The following SLC30A8 variants were observed in gnomAD, a reference collection of about 807,000 sequenced individuals.
The protein encoded by SLC30A8 is proton-coupled zinc antiporter SLC30A8.
In SLC30A8, 27 loss-of-function variants were observed where a neutral mutation model predicts 36.9. That is an observed-to-expected ratio of 0.73 (90% CI 0.54 to 1.01). The LOEUF (loss-of-function observed/expected upper bound fraction) is 1.01. Among genes scored for constraint, SLC30A8 ranks in the 50% least tolerant of loss-of-function variants. The probability of loss-of-function intolerance (pLI) is 0.00; values close to 1 mark genes in which losing one functional copy is unlikely to be tolerated. For missense variants in SLC30A8, 439 were observed against 452.0 expected (o/e 0.97, Z 0.26); for synonymous variants, 164 against 172.4 (o/e 0.95, Z 0.38).
chr8:117,022,431 A>G (rs1235410870), intron 1 of SLC30A8, among the ~76,000 whole-genome samples: 1 of 152,212 alleles, frequency 6.6e-6, no homozygotes, highest in Non-Finnish European at 1.5e-5. Context: ...GAGGTCTGGT[A>G]TGAATGACCT....
At chr8:117,004,418 A>C (rs1015541770) in intron 1 of SLC30A8, among the ~76,000 whole-genome samples, 1 of 152,240 alleles carries the variant, frequency 6.6e-6, no homozygotes, top group Non-Finnish European at 1.5e-5. Flanking sequence ...TAAGCTGAGC[A>C]TATAGATGCT....
intron 2 of SLC30A8, among the ~76,000 whole-genome samples, chr8:117,100,539 A>G (rs996098249): frequency 2.0e-5 from 3 of 152,180 alleles, no homozygotes; most frequent in African/African-American, 7.2e-5. Context: ...TAGAGCAGGC[A>G]ATGGAGTACT....
At chr8:117,020,126 G>T (rs1202614774) in intron 1 of SLC30A8, among the ~76,000 whole-genome samples, 3 of 152,182 alleles carry the variant, frequency 2.0e-5, no homozygotes, top group Non-Finnish European at 4.4e-5. Flanking sequence ...TTTGCAGCCA[G>T]TTGTTGCAAC....
chr8:116,990,143 A>G (rs1159915046), intron 1 of SLC30A8, among the ~76,000 whole-genome samples: 2 of 152,178 alleles, frequency 1.3e-5, no homozygotes, highest in Admixed American at 6.5e-5. Context: ...AACATGCTAT[A>G]TACTGGTTTA....
chr8:116,978,394 C>T (rs1193536275), intron 1 of SLC30A8, among the ~76,000 whole-genome samples: 1 of 149,460 alleles, frequency 6.7e-6, no homozygotes, highest in African/African-American at 2.6e-5. Context: ...AATGAAGAAA[C>T]ACATAAAACC....
intron 1 of SLC30A8, among the ~76,000 whole-genome samples, chr8:117,013,249 ATT>A (rs906850283): frequency 4.6e-5 from 7 of 152,300 alleles, no homozygotes; most frequent in Non-Finnish European, 8.8e-5. Flanking sequence ...TTTCTTTGCC[ATT>A]TTAGCATTCA....
Position 117,105,170 on chromosome 8 carries a change from G to A in SLC30A8, c.-225-30110G>A, listed in dbSNP as rs188634141. On this transcript the variant is annotated intron_variant, in intron 2 of 10. Coordinates refer to the SLC30A8 transcript ENST00000427715. ...ATGTCTAACCTCCTGGGAATGCAGC[G>A]CAGTAGGTCTCAGCCTCATTTTACC... is the stretch of plus-strand genomic sequence containing the variant. Among the ~76,000 whole-genome samples, 17 of 152,120 alleles carry A rather than the reference G, an allele frequency of 1.1e-4. No individual in the cohort carries two copies. The Middle Eastern group carries it at 0.014, about 122-fold the overall frequency.
intron 1 of SLC30A8, among the ~76,000 whole-genome samples, chr8:116,968,504 G>A (rs976346540): frequency 2.0e-5 from 3 of 151,712 alleles, no homozygotes; most frequent in African/African-American, 4.8e-5. Flanking sequence ...AGAATTTGAG[G>A]AAACTGATGC....
chr8:117,102,724 T>C (rs1819781128), intron 2 of SLC30A8, among the ~76,000 whole-genome samples: 1 of 152,196 alleles, frequency 6.6e-6, no homozygotes, highest in Admixed American at 6.5e-5. Flanking sequence ...CATGGCCTTC[T>C]TCTATGGGTG....
intron 2 of SLC30A8, among the ~76,000 whole-genome samples, chr8:117,110,076 AAGAT>A (rs950049353): frequency 7.9e-5 from 12 of 152,186 alleles, no homozygotes; most frequent in Non-Finnish European, 7.4e-5. Context: ...TACGCCTTGT[AAGAT>A]AGATACACCT....
chr8:117,016,039 G>A (rs545601677), intron 1 of SLC30A8, among the ~76,000 whole-genome samples: 1 of 152,150 alleles, frequency 6.6e-6, no homozygotes, highest in Non-Finnish European at 1.5e-5. Flanking sequence ...GCAAACGTTG[G>A]TAAGAGAGAA....
upstream of SLC30A8, among the ~76,000 whole-genome samples, chr8:117,133,451 G>A (rs1821219706): frequency 6.6e-6 from 1 of 151,936 alleles, no homozygotes; most frequent in African/African-American, 2.4e-5. Flanking sequence ...ATTTGTACTA[G>A]AGGCAAAGTT....
rs1035027047 is a variant in SLC30A8, at chr8:117,046,273, C to A, written c.-226+7015C>A. 2.7e-5 allele frequency among the ~76,000 whole-genome samples: 4 copies of A among 150,936 alleles called. No homozygotes were observed. The East Asian group carries it at 7.7e-4, about 29-fold the overall frequency. On this transcript the variant is annotated intron_variant, in intron 2 of 10. Coordinates refer to the SLC30A8 transcript ENST00000427715. The stretch of plus-strand genomic sequence containing the variant: ...TGCTGCTCAGAATTAGAGGGGTGGA[C>A]CCCCCCACCGCCACAGACAATTTGA...
chr8:117,038,062 C>G (rs1817271431), intron 1 of SLC30A8, among the ~76,000 whole-genome samples: 1 of 152,186 alleles, frequency 6.6e-6, no homozygotes, highest in Non-Finnish European at 1.5e-5. Flanking sequence ...AAGAACTAGA[C>G]TGCCATCCTG....
chr8:116,971,602 T>C (rs911560035), intron 1 of SLC30A8, among the ~76,000 whole-genome samples: 2 of 151,698 alleles, frequency 1.3e-5, no homozygotes, highest in Non-Finnish European at 2.9e-5. Flanking sequence ...TTTTTTTTTT[T>C]CCAGAATCTT....
At chr8:116,966,937 CTCTGAT>C (rs1206296984) in intron 1 of SLC30A8, among the ~76,000 whole-genome samples, 16 of 152,320 alleles carry the variant, frequency 1.1e-4, no homozygotes, top group African/African-American at 3.4e-4. Context: ...AAAAATCATT[CTCTGAT>C]TCTTTCACCA....
chr8:116,976,719 G>T (rs1815024726), intron 1 of SLC30A8, among the ~76,000 whole-genome samples: 1 of 152,068 alleles, frequency 6.6e-6, no homozygotes, highest in Admixed American at 6.5e-5. Flanking sequence ...CTCTGCTGGG[G>T]TAGGGGGGTC....
chr8:117,074,774 A>G (rs547347024), intron 2 of SLC30A8, among the ~76,000 whole-genome samples: 15 of 152,310 alleles, frequency 9.8e-5, no homozygotes, highest in African/African-American at 3.6e-4. Context: ...ACAGAAATCT[A>G]GTAATACCCT....
At chr8:117,005,923 A>C (rs547812384) in intron 1 of SLC30A8, among the ~76,000 whole-genome samples, 28 of 152,340 alleles carry the variant, frequency 1.8e-4, no homozygotes, top group Non-Finnish European at 3.8e-4. Context: ...GTATTTCTTA[A>C]AACAACCTCA....
Sources: gnomAD v4.1 joint callset for allele counts (sites outside exome capture counted in the v4.1 genomes callset) on GRCh38, gnomAD v4.1.1 for gene constraint, MANE v1.5 for transcripts, NCBI Gene and HGNC (gene_info 2026-07-23, HGNC 2026-07-21) for gene names.